Variants in KANK1 observed in about 807,000 individuals in gnomAD.
KANK1 encodes the protein KN motif and ankyrin repeat domains 1.
Under a neutral mutation model 106.2 loss-of-function variants are expected in KANK1, and 109 were observed. The ratio of observed to expected loss-of-function variants is 1.03; its 90% CI spans 0.88 to 1.20. The LOEUF is 1.20. KANK1 is among the 50% of genes most tolerant of loss of function. The pLI is 0.00. For synonymous variants in KANK1, 873 were observed against 652.2 expected, an observed-to-expected ratio of 1.34 and a Z score of -5.16; for missense variants, 2,399 against 1,710.7, an observed-to-expected ratio of 1.40 and a Z score of -7.10.
intron 1 of KANK1, among the ~76,000 whole-genome samples, chr9:638,498 T>A (rs1009923856): frequency 3.3e-5 from 5 of 152,220 alleles, no homozygotes; most frequent in Non-Finnish European, 7.3e-5. Flanking sequence ...AAACAGAGTT[T>A]CAGATAAATC....
chr9:744,675 A>C (rs1178882807), intron 11 of KANK1, 86 bp downstream of exon 11: 1 of 1,610,402 alleles, frequency 6.2e-7, no homozygotes, highest in Admixed American at 1.7e-5. Flanking sequence ...GACGGGAGAC[A>C]GATTTTATGT....
chr9:544,332 T>A (rs966793298), intron 1 of KANK1, among the ~76,000 whole-genome samples: 1 of 152,152 alleles, frequency 6.6e-6, no homozygotes, highest in Non-Finnish European at 1.5e-5. Flanking sequence ...CCTGTTAACT[T>A]CTTATGTCAT....
intron 1 of KANK1, among the ~76,000 whole-genome samples, chr9:610,453 G>T (rs140019256): frequency 2.6e-5 from 4 of 152,216 alleles, no homozygotes; most frequent in Non-Finnish European, 5.9e-5. Context: ...ATAAAGTACT[G>T]GTTTAGATAC....
In KANK1 at chr9:608,140, C is replaced by T. The variant is rs907306589; in HGVS notation, c.-83-68750C>T. ...GCAAGCTCCGCTTCCCGGGTTCACGCCATTCTCCTGCCTCAGCCTCCCGAG... is the reference window on the plus strand; with the variant it reads ...GCAAGCTCCGCTTCCCGGGTTCACGTCATTCTCCTGCCTCAGCCTCCCGAG... On this transcript the variant is annotated intron_variant, in intron 1 of 11. Coordinates refer to ENST00000382297, the MANE Select transcript of KANK1 (RefSeq NM_015158.5). 2.7e-5 allele frequency among the ~76,000 whole-genome samples: 4 copies of T among 148,072 alleles called. 1 individual carries two copies. The highest frequency in any genetic ancestry group is 1.0e-4 in the African/African-American group (4 of 39,452).
At chr9:530,053 A>G (rs552614283) in intron 1 of KANK1, among the ~76,000 whole-genome samples, 45 of 152,324 alleles carry the variant, frequency 3.0e-4, no homozygotes, top group Middle Eastern at 3.4e-3. Flanking sequence ...TCATAAATTT[A>G]TAAGAGCTGT....
At chr9:705,007 A>T (rs901394923) in intron 2 of KANK1, among the ~76,000 whole-genome samples, 3 of 150,624 alleles carry the variant, frequency 2.0e-5, no homozygotes, top group African/African-American at 7.3e-5. Context: ...AAAAAAAAAA[A>T]AAAAAAAAAA....
chr9:518,568 T>A (rs1324492020), intron 1 of KANK1, among the ~76,000 whole-genome samples: 2 of 151,760 alleles, frequency 1.3e-5, no homozygotes, highest in Admixed American at 6.6e-5. Flanking sequence ...TGCTTCTTTG[T>A]GTTTGGAAAG....
intron 1 of KANK1, among the ~76,000 whole-genome samples, chr9:594,227 T>C (rs1047514861): frequency 2.0e-5 from 3 of 151,906 alleles, no homozygotes; most frequent in African/African-American, 7.3e-5. Flanking sequence ...TAGCTCTTTA[T>C]GTTTTTCTGC....
intron 1 of KANK1, among the ~76,000 whole-genome samples, chr9:661,754 G>C (rs191206133): frequency 0.21 from 32,320 of 151,956 alleles, 5,633 homozygotes; most frequent in East Asian, 0.55. Flanking sequence ...GTGTAAAAGT[G>C]TTCCTGTTTC....
intron 3 of KANK1, chr9:477,740 T>C (rs1419377217): frequency 6.6e-6 from 1 of 152,246 alleles, no homozygotes; most frequent in Non-Finnish European, 1.5e-5. Context: ...AAGTGGCCCA[T>C]GCCAATATGT....
intron 1 of KANK1, among the ~76,000 whole-genome samples, chr9:544,451 T>C (rs901357728): frequency 6.6e-6 from 1 of 152,180 alleles, no homozygotes; most frequent in Non-Finnish European, 1.5e-5. Flanking sequence ...GTACTTCTTA[T>C]CTTCACTATT....
chr9:506,670 A>C (rs1028162100), intron 1 of KANK1, among the ~76,000 whole-genome samples: 1 of 152,258 alleles, frequency 6.6e-6, no homozygotes, highest in Non-Finnish European at 1.5e-5. Context: ...GCAAATGGCC[A>C]CTGGAATTGA....
chr9:518,009 A>G (rs1004510144), intron 1 of KANK1, among the ~76,000 whole-genome samples: 50 of 151,696 alleles, frequency 3.3e-4, no homozygotes, highest in African/African-American at 1.2e-3. Context: ...GAGTGCTGGG[A>G]TTACAGGCAT....
At chr9:634,132 T>C (rs891697283) in intron 1 of KANK1, among the ~76,000 whole-genome samples, 11 of 152,244 alleles carry the variant, frequency 7.2e-5, no homozygotes, top group African/African-American at 2.7e-4. Flanking sequence ...AGAAAGAGTT[T>C]AATGAATGCT....
chr9:707,105 G>C, intron 2 of KANK1: 1 of 985,490 alleles, frequency 1.0e-6, no homozygotes, highest in Non-Finnish European at 1.2e-6. Context: ...TGGCATCCGA[G>C]CGTGGCCGGC....
chr9:571,646 A>G lies in KANK1; in HGVS notation c.-84+66892A>G, dbSNP rs72689646. 9.8e-3 allele frequency among the ~76,000 whole-genome samples: 1,493 copies of G among 152,288 alleles called. 38 individuals carry two copies. The highest frequency in any genetic ancestry group is 0.034 in the African/African-American group (1,421 of 41,558). On this transcript the variant is annotated intron_variant, in intron 1 of 11. Transcript: ENST00000382297. ...CTGTCTCATTCCCAGGCACTTTTTAATCTCATATAAATTTACATTTAGAGA... is the reference window on the plus strand; with the variant it reads ...CTGTCTCATTCCCAGGCACTTTTTAGTCTCATATAAATTTACATTTAGAGA...
chr9:704,015 A>G (rs1327378431), intron 2 of KANK1, among the ~76,000 whole-genome samples: 1 of 152,170 alleles, frequency 6.6e-6, no homozygotes, highest in Non-Finnish European at 1.5e-5. Context: ...TGCCCGGCCA[A>G]AACTGTTGTT....
intron 1 of KANK1, among the ~76,000 whole-genome samples, chr9:555,815 A>G (rs2061549002): frequency 6.6e-6 from 1 of 152,196 alleles, no homozygotes; most frequent in Admixed American, 6.5e-5. Flanking sequence ...TTAGGAAAAA[A>G]TCCCTTTGAA....
At chr9:596,952 T>C (rs565735268) in intron 1 of KANK1, among the ~76,000 whole-genome samples, 7 of 73,698 alleles carry the variant, frequency 9.5e-5, no homozygotes, top group African/African-American at 1.7e-4. Flanking sequence ...TCAGTCTCTA[T>C]GAATTTACAA....
Sources: gnomAD v4.1 joint callset for allele counts (sites outside exome capture counted in the v4.1 genomes callset) on GRCh38, gnomAD v4.1.1 for gene constraint, MANE v1.5 for transcripts, NCBI Gene and HGNC (gene_info 2026-07-23, HGNC 2026-07-21) for gene names.